Variants in NUSAP1 observed in about 807,000 individuals in gnomAD.
NUSAP1 encodes the protein nucleolar and spindle associated protein 1.
NUSAP1 carries 32 observed loss-of-function variants against 52.8 expected under a neutral mutation model. The ratio of observed to expected loss-of-function variants is 0.61; its 90% CI spans 0.46 to 0.81. The LOEUF (loss-of-function observed/expected upper bound fraction) is 0.81, where lower values mean the gene tolerates loss of function less well. NUSAP1 is among the 40% of genes least tolerant of loss of function. NUSAP1 has a pLI of 0.00. For missense variants in NUSAP1, 499 were observed against 522.3 expected (o/e 0.96, Z 0.43); for synonymous variants, 195 against 183.1 (o/e 1.06, Z -0.52).
At chr15:41,336,648 G>GTTTTTT (rs75426159) in intron 1 of NUSAP1, among the ~76,000 whole-genome samples, 5,611 of 90,696 alleles carry the variant, frequency 0.062, 197 homozygotes, top group African/African-American at 0.096. Flanking sequence ...CCTCCTTTTG[G>GTTTTTT]TTTTTTTTTT....
intron 10 of NUSAP1, among the ~76,000 whole-genome samples, chr15:41,378,899 CAA>C (rs538916330): frequency 2.3e-5 from 2 of 87,504 alleles, no homozygotes; most frequent in Non-Finnish European, 4.7e-5. Flanking sequence ...TTAGACAAAC[CAA>C]AAAAAAAAAA....
At position 41,371,647 on chromosome 15, in the gene NUSAP1, A is replaced by G. The variant is rs754770792; in HGVS notation, c.969A>G (p.Thr323=). ...CAAAAGGCGAGGCTGTGCTTGGGAC[A>G]CACAAATTAAAGACCATCACGGGGA... The part of the protein sequence containing the change: ...GTPKGEAVLG[T]HKLKTITGNS... Residue 323 remains threonine (T), a synonymous_variant, in exon 8 of 11, where the codon ACA becomes ACG. Coordinates refer to ENST00000559596, the MANE Select transcript of NUSAP1 (RefSeq NM_016359.5). The G allele has an allele frequency of 1.9e-6, 3 of 1,596,696 alleles. No homozygotes were observed. In the South Asian group the frequency reaches 3.4e-5, roughly 18 times the overall value.
At chr15:41,335,276 A>T (rs56053993) in intron 1 of NUSAP1, among the ~76,000 whole-genome samples, 6 of 125,332 alleles carry the variant, frequency 4.8e-5, no homozygotes, top group Non-Finnish European at 8.3e-5. Context: ...TATACTATAT[A>T]TATTATTACT....
chr15:41,373,653 T>C (rs1405110295), intron 8 of NUSAP1, among the ~76,000 whole-genome samples: 1 of 151,836 alleles, frequency 6.6e-6, no homozygotes, highest in East Asian at 2.0e-4. Flanking sequence ...TGTCACCGTA[T>C]TGGCCAGGTT....
Position 41,332,906 on chromosome 15 carries a change from T to A in NUSAP1, c.-52T>A. On this transcript the variant is annotated 5_prime_UTR_variant, in exon 1 of 11. Coordinates refer to ENST00000559596, the MANE Select transcript of NUSAP1 (RefSeq NM_016359.5). ...GTGGCGCCAGGGATTTGAACCGCGC[T>A]GACGAAGTTTGGTGATCCATCTTCC... 7.0e-7 allele frequency: 1 copy of A among 1,426,510 alleles called. No individual in the cohort carries two copies. Among genetic ancestry groups the A allele is most frequent in the East Asian group, 2.4e-5 (1 of 41,554 alleles). 88.4% of individuals were successfully genotyped at this position (1,426,510 alleles called of 1,614,324 possible). A position where few individuals can be genotyped will look rare whatever the true frequency, so the allele number is the denominator to read the frequency against.
chr15:41,345,146 T>A (rs2048516318), intron 2 of NUSAP1, among the ~76,000 whole-genome samples: 1 of 152,054 alleles, frequency 6.6e-6, no homozygotes, highest in African/African-American at 2.4e-5. Context: ...ACTACAGCCT[T>A]GTATCACCAT....
intron 10 of NUSAP1, among the ~76,000 whole-genome samples, chr15:41,378,944 G>GTTTTTTTTTTTTTGTTTTTTTTT (rs2050093528): frequency 1.6e-5 from 1 of 63,270 alleles, no homozygotes; most frequent in Non-Finnish European, 2.7e-5. Context: ...ACTTATCTTG[G>GTTTTTTTTTTTTTGTTTTTTTTT]TTTTTTTTTT....
At chr15:41,379,518 T>C (rs1386475022) in intron 10 of NUSAP1, among the ~76,000 whole-genome samples, 1 of 152,024 alleles carries the variant, frequency 6.6e-6, no homozygotes, top group Non-Finnish European at 1.5e-5. Flanking sequence ...GTCTCCTGAC[T>C]CCAATTCCAT....
chr15:41,375,271 G>T (rs188984139), intron 8 of NUSAP1, among the ~76,000 whole-genome samples: 14 of 150,764 alleles, frequency 9.3e-5, no homozygotes, highest in African/African-American at 3.4e-4. Flanking sequence ...TCCGCCTTCC[G>T]GGTTCAAGCA....
At chr15:41,340,780 G>T (rs759298939) in intron 1 of NUSAP1, among the ~76,000 whole-genome samples, 1 of 152,130 alleles carries the variant, frequency 6.6e-6, no homozygotes, top group Non-Finnish European at 1.5e-5. Context: ...AGAAAATAAG[G>T]TACCACTTTA....
intron 8 of NUSAP1, among the ~76,000 whole-genome samples, chr15:41,374,466 G>C (rs979134799): frequency 3.3e-5 from 5 of 152,134 alleles, no homozygotes; most frequent in Non-Finnish European, 5.9e-5. Context: ...CCTTACACCA[G>C]TCATATTGAC....
intron 2 of NUSAP1, among the ~76,000 whole-genome samples, chr15:41,347,982 G>A (rs773847736): frequency 6.6e-6 from 1 of 152,026 alleles, no homozygotes; most frequent in African/African-American, 2.4e-5. Context: ...ATTAGCTTAC[G>A]TGTGGTAACA....
rs567986106 is a variant in NUSAP1, at chr15:41,332,911, A to G, written c.-47A>G. ...GCCAGGGATTTGAACCGCGCTGACG[A>G]AGTTTGGTGATCCATCTTCCGAGTA... On this transcript the variant is annotated 5_prime_UTR_variant, in exon 1 of 11. Coordinates refer to ENST00000559596, the MANE Select transcript of NUSAP1 (RefSeq NM_016359.5). 9.6e-6 allele frequency: 14 copies of G among 1,464,508 alleles called. 1 individual carries two copies. In the South Asian group the frequency reaches 1.2e-4, roughly 12 times the overall value. 90.7% of individuals were successfully genotyped at this position (1,464,508 alleles called of 1,614,324 possible).
Position 41,375,423 on chromosome 15 carries a change from G to A in NUSAP1, c.1007-289G>A, listed in dbSNP as rs562037034. Among the ~76,000 whole-genome samples the A allele has an allele frequency of 5.9e-5, 9 of 151,968 alleles. 1 individual carries two copies. The South Asian group carries it at 1.9e-3, about 32-fold the overall frequency. The stretch of plus-strand genomic sequence containing the variant: ...ACTCCTGACCTCAGGTGATCCACCC[G>A]ACTCGGCCTCTCAAAGTGCTGAGAT... On this transcript the variant is annotated intron_variant, in intron 8 of 10. Coordinates refer to ENST00000559596, the MANE Select transcript of NUSAP1 (RefSeq NM_016359.5).
At chr15:41,338,858 G>C (rs367575697) in intron 1 of NUSAP1, among the ~76,000 whole-genome samples, 1 of 151,796 alleles carries the variant, frequency 6.6e-6, no homozygotes, top group East Asian at 1.9e-4. Context: ...CCAACTACTC[G>C]GGAGGATGAG....
chr15:41,357,505 G>A (rs550748675), intron 5 of NUSAP1, among the ~76,000 whole-genome samples: 13 of 151,150 alleles, frequency 8.6e-5, no homozygotes, highest in Non-Finnish European at 1.5e-4. Context: ...GTGCAATGGC[G>A]CAATCTAGGC....
chr15:41,368,728 C>CTTTTTTTTTTTTTTTTTTTTTTTTTATTT (rs57501156), intron 7 of NUSAP1, among the ~76,000 whole-genome samples: 4 of 77,942 alleles, frequency 5.1e-5, no homozygotes, highest in Non-Finnish European at 6.9e-5. Flanking sequence ...TTATTTTATT[C>CTTTTTTTTTTTTTTTTTTTTTTTTTATTT]TTTTTTTTTT....
At chr15:41,375,855 G>T (rs1254950829) in intron 9 of NUSAP1, 27 bp downstream of exon 9, 1 of 1,479,134 alleles carries the variant, frequency 6.8e-7, no homozygotes, top group Non-Finnish European at 9.5e-7. Context: ...TGAGCTACAG[G>T]GCCTGTAAAA....
intron 6 of NUSAP1, among the ~76,000 whole-genome samples, chr15:41,359,831 C>A (rs1013711917): frequency 6.7e-6 from 1 of 149,640 alleles, no homozygotes. Context: ...CGGGTTTTCA[C>A]CATGTTGGCC....
Sources: gnomAD v4.1 joint callset for allele counts (sites outside exome capture counted in the v4.1 genomes callset) on GRCh38, gnomAD v4.1.1 for gene constraint, MANE v1.5 for transcripts, NCBI Gene and HGNC (gene_info 2026-07-23, HGNC 2026-07-21) for gene names.